The following COL24A1 variants were observed in gnomAD, a reference collection of about 807,000 sequenced individuals.
COL24A1 encodes collagen alpha-1(XXIV) chain.
COL24A1 carries 224 observed loss-of-function variants against 253.9 expected under a neutral mutation model. That is an observed-to-expected ratio of 0.88 (90% CI 0.79 to 0.99). The LOEUF is 0.99. Among genes scored for constraint, COL24A1 ranks in the 50% least tolerant of loss-of-function variants. The pLI is 0.00. For synonymous variants in COL24A1, 685 were observed against 673.7 expected, an observed-to-expected ratio of 1.02 and a Z score of -0.26; for missense variants, 2,131 against 2,068.5, an observed-to-expected ratio of 1.03 and a Z score of -0.59.
At chr1:85,824,903 TTTATTATTATTA>T (rs67610324) in intron 43 of COL24A1, among the ~76,000 whole-genome samples, 3,115 of 144,836 alleles carry the variant, frequency 0.022, 118 homozygotes, top group African/African-American at 0.074. Context: ...TATTTATTCT[TTTATTATTATTA>T]TTATTATTAT....
At chr1:86,151,132 G>A (rs971757001) in intron 1 of COL24A1, among the ~76,000 whole-genome samples, 22 of 151,684 alleles carry the variant, frequency 1.5e-4, no homozygotes, top group African/African-American at 2.9e-4. Flanking sequence ...TATATAAAGC[G>A]TTTGTTATTT....
chr1:86,057,675 G>A (rs1318983764), intron 10 of COL24A1, among the ~76,000 whole-genome samples: 1 of 152,034 alleles, frequency 6.6e-6, no homozygotes, highest in African/African-American at 2.4e-5. Flanking sequence ...CACTACAAAT[G>A]TTTACAGAGC....
chr1:85,875,174 C>T lies in COL24A1; in HGVS notation c.3084+103G>A. Reference sequence around the variant, plus strand: ...TTTCCTGTTTTTATCTGGGGGCTTCCACCTGCTTTCAAGTTAGCAAATATA... The same window carrying T: ...TTTCCTGTTTTTATCTGGGGGCTTCTACCTGCTTTCAAGTTAGCAAATATA... On this transcript the variant is annotated intron_variant, in intron 34 of 59. Transcript: ENST00000370571. 3.1e-6 allele frequency: 3 copies of T among 968,194 alleles called. No homozygotes were observed. In the African/African-American group the frequency reaches 4.9e-5, roughly 16 times the overall value. 60.0% of individuals were successfully genotyped at this position (968,194 alleles called of 1,614,324 possible).
chr1:85,784,645 G>A (rs544713898), intron 48 of COL24A1, among the ~76,000 whole-genome samples: 3 of 152,276 alleles, frequency 2.0e-5, no homozygotes, highest in East Asian at 3.9e-4. Context: ...AAACTAGTAG[G>A]ATAGTAAGGC....
At chr1:85,975,634 G>C (rs529992313) in intron 20 of COL24A1, among the ~76,000 whole-genome samples, 1 of 152,284 alleles carries the variant, frequency 6.6e-6, no homozygotes, top group Non-Finnish European at 1.5e-5. Flanking sequence ...TAGGGAAGGG[G>C]CTTCCACTTG....
chr1:85,863,040 T>C (rs1016340219), intron 37 of COL24A1, among the ~76,000 whole-genome samples: 1 of 152,232 alleles, frequency 6.6e-6, no homozygotes, highest in Non-Finnish European at 1.5e-5. Context: ...ACATCCCTTG[T>C]AAGTTGGATT....
chr1:86,130,009 G>A (rs1316613716), intron 2 of COL24A1, among the ~76,000 whole-genome samples: 1 of 151,738 alleles, frequency 6.6e-6, no homozygotes, highest in African/African-American at 2.4e-5. Flanking sequence ...CTCTCTTGTG[G>A]TCTTTGCTTT....
chr1:86,037,474 G>T (rs939233326), intron 12 of COL24A1, among the ~76,000 whole-genome samples: 4 of 152,172 alleles, frequency 2.6e-5, no homozygotes, highest in Admixed American at 2.0e-4. Context: ...TGCAAACTCT[G>T]GACAGTCTAT....
intron 45 of COL24A1, 78 bp downstream of exon 45, chr1:85,823,458 A>G: frequency 7.6e-7 from 1 of 1,313,544 alleles, no homozygotes; most frequent in Non-Finnish European, 1.1e-6. Context: ...AATTACAATA[A>G]ATAGTAACTC....
Position 85,868,601 on chromosome 1 carries a change from G to A in COL24A1, c.3218C>T (p.Pro1073Leu). The A allele has an allele frequency of 6.2e-7, 1 of 1,613,686 alleles. No homozygotes were observed. The highest frequency in any genetic ancestry group is 8.5e-7 in the Non-Finnish European group (1 of 1,179,828). The change falls in exon 37 of 60, where the codon CCT (proline) becomes CTT (leucine). Residue 1073 changes from proline (P) to leucine (L), a missense_variant. By Grantham distance (98) the Pro-to-Leu change is moderately conservative. Transcript: ENST00000370571. ...CTCTCCTTTTTCTCCATCCTCTCCA[G>A]GAAGTCCCCTTCCTCCTGGTACTCC... is the stretch of plus-strand genomic sequence containing the variant. ...LKGVPGGRGL[P>L]GEDGEKGEMG... is the part of the protein sequence containing the mutation.
chr1:85,949,846 T>C (rs1689720280), intron 24 of COL24A1, among the ~76,000 whole-genome samples: 2 of 152,104 alleles, frequency 1.3e-5, no homozygotes, highest in East Asian at 3.9e-4. Flanking sequence ...ATATACAGGG[T>C]TCCTCATTAT....
chr1:86,131,508 C>G (rs1423348763), intron 2 of COL24A1, among the ~76,000 whole-genome samples: 1 of 128,086 alleles, frequency 7.8e-6, no homozygotes, highest in Non-Finnish European at 1.6e-5. Flanking sequence ...GCCATCCCTC[C>G]CCCCTCCCCC....
chr1:86,144,725 C>A (rs1651638796), intron 2 of COL24A1, among the ~76,000 whole-genome samples: 1 of 151,804 alleles, frequency 6.6e-6, no homozygotes, highest in South Asian at 2.1e-4. Flanking sequence ...TTGGTTCTTC[C>A]ATTCATTAAG....
intron 3 of COL24A1, among the ~76,000 whole-genome samples, chr1:86,123,871 A>G (rs1296041058): frequency 6.6e-6 from 1 of 152,098 alleles, no homozygotes; most frequent in South Asian, 2.1e-4. Flanking sequence ...AACACAAGCT[A>G]AAAGACTGGC....
chr1:86,149,950 G>A (rs78989970), intron 1 of COL24A1, among the ~76,000 whole-genome samples: 10,023 of 152,196 alleles, frequency 0.066, 454 homozygotes, highest in East Asian at 0.15. Context: ...AACAAATAGC[G>A]AACTGAAAAA....
At chr1:85,843,316 A>T (rs1318601316) in intron 39 of COL24A1, among the ~76,000 whole-genome samples, 3 of 152,206 alleles carry the variant, frequency 2.0e-5, no homozygotes, top group Non-Finnish European at 4.4e-5. Context: ...CATCCAGATA[A>T]GAACAAGTTT....
intron 47 of COL24A1, among the ~76,000 whole-genome samples, chr1:85,806,030 C>A (rs546984096): frequency 6.8e-6 from 1 of 146,578 alleles, no homozygotes; most frequent in Admixed American, 6.9e-5. Flanking sequence ...GAGCGGAGAT[C>A]GCGCCACTGC....
At chr1:85,733,466 T>G (rs1004405104) in intron 59 of COL24A1, among the ~76,000 whole-genome samples, 3 of 152,192 alleles carry the variant, frequency 2.0e-5, no homozygotes, top group Non-Finnish European at 2.9e-5. Flanking sequence ...CCAATAAAAA[T>G]TTATTCACAA....
intron 20 of COL24A1, among the ~76,000 whole-genome samples, chr1:85,974,236 G>A (rs1227027458): frequency 1.3e-5 from 2 of 152,028 alleles, no homozygotes; most frequent in African/African-American, 4.8e-5. Context: ...TGATCTAGTG[G>A]TCATCTATAG....
Sources: allele counts gnomAD v4.1 joint callset (sites outside exome capture counted in the v4.1 genomes callset), GRCh38; gene constraint gnomAD v4.1.1; transcripts MANE v1.5; gene names NCBI Gene and HGNC (gene_info 2026-07-23, HGNC 2026-07-21).